The following DYNC2H1 variants were observed in gnomAD, a reference collection of about 807,000 sequenced individuals.
The protein encoded by DYNC2H1 is cytoplasmic dynein 2 heavy chain 1.
DYNC2H1 carries 410 observed loss-of-function variants against 570.0 expected under a neutral mutation model. The observed-to-expected ratio is 0.72, with a 90% CI of 0.66 to 0.78. The LOEUF (loss-of-function observed/expected upper bound fraction) is 0.78, where lower values mean the gene tolerates loss of function less well. Ranked by LOEUF, DYNC2H1 falls within the 30% of genes least tolerant of loss-of-function variation. DYNC2H1 has a pLI of 0.00. For missense variants in DYNC2H1, 4,865 were observed against 5,046.4 expected, an observed-to-expected ratio of 0.96 and a Z score of 1.09; for synonymous variants, 1,688 against 1,677.6, an observed-to-expected ratio of 1.01 and a Z score of -0.15.
intron 75 of DYNC2H1, among the ~76,000 whole-genome samples, chr11:103,294,813 G>C (rs1866754044): frequency 6.6e-6 from 1 of 152,126 alleles, no homozygotes; most frequent in Admixed American, 6.6e-5. Context: ...TTGCCTTCTG[G>C]CCCAGAATGG....
At chr11:103,440,030 C>T (rs546464908) in intron 85 of DYNC2H1, among the ~76,000 whole-genome samples, 1 of 152,186 alleles carries the variant, frequency 6.6e-6, no homozygotes, top group South Asian at 2.1e-4. Flanking sequence ...GTTCTCTACC[C>T]TGTTTGTAAA....
chr11:103,120,399 A>C, intron 6 of DYNC2H1, 48 bp from the exon 7 acceptor site: 1 of 1,478,472 alleles, frequency 6.8e-7, no homozygotes, highest in Non-Finnish European at 9.1e-7. Flanking sequence ...CTATTTATGC[A>C]AATGGTTGGA....
chr11:103,211,710 A>G, intron 53 of DYNC2H1, 79 bp from the exon 54 acceptor site: 1 of 585,686 alleles, frequency 1.7e-6, no homozygotes. Flanking sequence ...GTATAAAATA[A>G]CTATCATTAG....
chr11:103,263,427 C>T (rs938412106), intron 70 of DYNC2H1, among the ~76,000 whole-genome samples: 2 of 152,128 alleles, frequency 1.3e-5, no homozygotes, highest in Admixed American at 6.6e-5. Context: ...AGCACCACAT[C>T]ACACTTATTC....
intron 22 of DYNC2H1, 100 bp downstream of exon 22, chr11:103,153,608 C>T: frequency 9.6e-7 from 1 of 1,044,108 alleles, no homozygotes; most frequent in South Asian, 1.5e-5. Context: ...TAACTTTCCT[C>T]ATAAACTTCA....
At chr11:103,458,566 A>G (rs1428135767) in intron 87 of DYNC2H1, among the ~76,000 whole-genome samples, 1 of 152,166 alleles carries the variant, frequency 6.6e-6, no homozygotes, top group Non-Finnish European at 1.5e-5. Flanking sequence ...TCTTGTCCTC[A>G]GGGAGTTTAT....
chr11:103,208,222 T>A (rs1338601209), intron 52 of DYNC2H1, among the ~76,000 whole-genome samples: 1 of 152,140 alleles, frequency 6.6e-6, no homozygotes, highest in African/African-American at 2.4e-5. Context: ...GGATTATCTA[T>A]AATGGATATT....
intron 39 of DYNC2H1, among the ~76,000 whole-genome samples, chr11:103,180,871 T>G (rs1221363799): frequency 6.6e-6 from 1 of 151,518 alleles, no homozygotes; most frequent in Non-Finnish European, 1.5e-5. Flanking sequence ...ATATTTCAAT[T>G]TTTTTCATAT....
At chr11:103,323,048 T>C (rs1938294266) in intron 81 of DYNC2H1, among the ~76,000 whole-genome samples, 1 of 152,178 alleles carries the variant, frequency 6.6e-6, no homozygotes, top group Admixed American at 6.5e-5. Flanking sequence ...CAGGGTCAGC[T>C]GCCAAGGATA....
rs1369872487 is a variant in DYNC2H1 at position 103,151,246 on chromosome 11, G to A, written c.2947-890G>A. 2.8e-4 allele frequency among the ~76,000 whole-genome samples: 42 copies of A among 152,054 alleles called. 1 individual carries two copies. Among genetic ancestry groups the A allele is most frequent in the Non-Finnish European group, 4.4e-5 (3 of 68,006 alleles). ...CCTCAGTAGCTAGGAGTACAGGTGT[G>A]CACCACCATGCCCAGTTAATTTTTA... On this transcript the variant is annotated intron_variant, in intron 20 of 88. Transcript: ENST00000375735. This position sits in a 1 kb window ranked among gnomAD's most constrained non-coding sequence, Gnocchi z 4.6.
In DYNC2H1 at chr11:103,326,331, G is replaced by T. The variant is rs1938475159; in HGVS notation, c.12039+2341G>T. 6.6e-6 allele frequency among the ~76,000 whole-genome samples: 1 copy of T among 152,126 alleles called. No individual in the cohort carries two copies. Among genetic ancestry groups the T allele is most frequent in the African/African-American group, 2.4e-5 (1 of 41,426 alleles). ...TTGGCTCCTTCCCCGGGTTTCTTTT[G>T]CTATGTGTTCGGGGTGGTTGGGCTC... On this transcript the variant is annotated intron_variant, in intron 82 of 88. Coordinates refer to ENST00000375735, the MANE Select transcript of DYNC2H1 (RefSeq NM_001377.3). This position sits in a 1 kb window ranked among gnomAD's most constrained non-coding sequence, Gnocchi z 6.1.
Position 103,165,940 on chromosome 11 carries a change from GA to G in DYNC2H1, c.4658del (p.Asn1553MetfsTer16). On this transcript the variant is annotated frameshift_variant, in exon 31 of 89. Transcript: ENST00000375735. LOFTEE classifies it high-confidence loss of function. ...AEQIKFTEDV[E>X]NAIKDHSLHQ... ...GCAGATTAAATTCACTGAAGATGTAGAAAATGCTATTAAAGATCATAGTCTT... is the reference window on the plus strand; with the variant it reads ...GCAGATTAAATTCACTGAAGATGTAGAAATGCTATTAAAGATCATAGTCTT... 1 of 1,511,952 alleles carries G rather than the reference GA, an allele frequency of 6.6e-7. No individual in the cohort carries two copies. Among genetic ancestry groups the G allele is most frequent in the South Asian group, 1.4e-5 (1 of 73,772 alleles). 93.7% of individuals were successfully genotyped at this position (1,511,952 alleles called of 1,614,324 possible). A position where few individuals can be genotyped will look rare whatever the true frequency, so the allele number is the denominator to read the frequency against.
At chr11:103,276,774 G>T (rs929890252) in intron 70 of DYNC2H1, among the ~76,000 whole-genome samples, 1 of 151,748 alleles carries the variant, frequency 6.6e-6, no homozygotes, top group African/African-American at 2.4e-5. Context: ...GTTATATAAG[G>T]TTTCCCTCTG....
At chr11:103,417,207 G>T (rs1943317273) in intron 84 of DYNC2H1, among the ~76,000 whole-genome samples, 1 of 152,044 alleles carries the variant, frequency 6.6e-6, no homozygotes, top group Non-Finnish European at 1.5e-5. Context: ...AGCCTCCCAA[G>T]TAGCTGAGAC....
intron 70 of DYNC2H1, among the ~76,000 whole-genome samples, chr11:103,271,110 CAT>C (rs746424402): frequency 1.4e-4 from 21 of 152,272 alleles, no homozygotes; most frequent in African/African-American, 2.2e-4. Flanking sequence ...ACTAACCTCA[CAT>C]GATTGTATTT....
chr11:103,435,963 CAAGTGGG>C lies in DYNC2H1; in HGVS notation c.12391_12397del (p.Trp4131AlafsTer9). 6.2e-7 allele frequency: 1 copy of C among 1,612,604 alleles called. No individual in the cohort carries two copies. The highest frequency in any genetic ancestry group is 8.5e-7 in the Non-Finnish European group (1 of 1,179,092). ...TGCAGTGTCCTCTCGCATGGCAGAG[CAAGTGGG>C]AAGGCCCAGAAGATCCCTTACAATA... On this transcript the variant is annotated frameshift_variant, in exon 85 of 89. Coordinates refer to ENST00000375735, the MANE Select transcript of DYNC2H1 (RefSeq NM_001377.3). LOFTEE classifies it high-confidence loss of function.
intron 72 of DYNC2H1, 99 bp downstream of exon 72, chr11:103,282,328 G>T: frequency 8.9e-6 from 9 of 1,006,696 alleles, no homozygotes; most frequent in Non-Finnish European, 1.2e-5. Flanking sequence ...CTAAATTATT[G>T]TTGAAGTTAT....
In DYNC2H1 at chr11:103,187,356, G is replaced by T. The variant is rs747348765; in HGVS notation, c.6910G>T (p.Ala2304Ser). The T allele has an allele frequency of 9.3e-6, 15 of 1,612,696 alleles. No individual in the cohort carries two copies. Among genetic ancestry groups the T allele is most frequent in the Non-Finnish European group, 1.3e-5 (15 of 1,179,210 alleles). ...GCGKGMLLRYAFSQLRSTQIA... is the reference protein window; with the variant it reads ...GCGKGMLLRYSFSQLRSTQIA... ...TTTTCGTAGGATGCTGCTCAGGTAC[G>T]CATTTTCACAACTCCGGTCCACTCA... Residue 2304 changes from alanine to serine, a missense_variant, in exon 43 of 89, where the codon GCA becomes TCA. By Grantham distance (99) the Ala-to-Ser change is moderately conservative (BLOSUM62 1). Around this residue, in one of 5 missense-constraint regions of DYNC2H1, gnomAD observed 2,401 missense variants for 2,454.6 expected, o/e 0.98. Coordinates refer to ENST00000375735, the MANE Select transcript of DYNC2H1 (RefSeq NM_001377.3).
intron 17 of DYNC2H1, among the ~76,000 whole-genome samples, chr11:103,139,462 T>G (rs1376433575): frequency 6.6e-6 from 1 of 152,184 alleles, no homozygotes; most frequent in Non-Finnish European, 1.5e-5. Flanking sequence ...TGCCTTCATT[T>G]CGTTATGTAC....
Sources: gnomAD v4.1 joint callset for allele counts (sites outside exome capture counted in the v4.1 genomes callset) on GRCh38, gnomAD v4.1.1 for gene constraint, gnomAD v4.1.1 regional missense constraint, Gnocchi (gnomAD v3.1) non-coding constraint, MANE v1.5 for transcripts, NCBI Gene and HGNC (gene_info 2026-07-23, HGNC 2026-07-21) for gene names.